Variants in ERICH6B observed in about 807,000 individuals in gnomAD.
ERICH6B encodes the protein glutamate-rich protein 6B.
In ERICH6B, 69 loss-of-function variants were observed where a neutral mutation model predicts 80.0. The ratio of observed to expected loss-of-function variants is 0.86; its 90% CI spans 0.71 to 1.05. The LOEUF (loss-of-function observed/expected upper bound fraction) is 1.05, where lower values mean the gene tolerates loss of function less well. Ranked by LOEUF, ERICH6B falls within the 50% of genes least tolerant of loss-of-function variation. ERICH6B has a pLI of 0.00. For synonymous variants in ERICH6B, 283 were observed against 291.9 expected (o/e 0.97, Z 0.31); for missense variants, 754 against 796.1 (o/e 0.95, Z 0.64).
intron 1 of ERICH6B, among the ~76,000 whole-genome samples, chr13:45,612,658 G>T (rs1020031911): frequency 2.0e-5 from 3 of 152,270 alleles, no homozygotes; most frequent in Non-Finnish European, 4.4e-5. Context: ...CCTCCTACCT[G>T]CCTAGCCAGC....
intron 13 of ERICH6B, among the ~76,000 whole-genome samples, chr13:45,548,173 C>A (rs1874063886): frequency 6.6e-6 from 1 of 152,216 alleles, no homozygotes; most frequent in Non-Finnish European, 1.5e-5. Context: ...AAAGGACAGC[C>A]ATGCCTTCCA....
At chr13:45,545,415 C>T (rs865926314) in intron 13 of ERICH6B, among the ~76,000 whole-genome samples, 4 of 152,110 alleles carry the variant, frequency 2.6e-5, no homozygotes, top group South Asian at 2.1e-4. Context: ...ATATAATTTA[C>T]GAATAGATAT....
chr13:45,549,934 G>T lies in ERICH6B; in HGVS notation c.1605C>A (p.Asn535Lys). ...LEGRIRALIN[N>K]SGNATFYDEN... ...CATCATAGAAGGTAGCATTGCCTGA[G>T]TTGTTGATAAGGGCCCGGATCCTCC... Residue 535 changes from asparagine (N) to lysine (K), a missense_variant, in exon 13 of 15, where the codon AAC becomes AAA. Physicochemically the swap from Asn to Lys is moderately conservative, Grantham distance 94 (BLOSUM62 0). Coordinates refer to ENST00000298738, the MANE Select transcript of ERICH6B (RefSeq NM_182542.3). 1 of 1,551,618 alleles carries T rather than the reference G, an allele frequency of 6.4e-7. No individual in the cohort carries two copies. The highest frequency in any genetic ancestry group is 8.7e-7 in the Non-Finnish European group (1 of 1,146,984).
intron 8 of ERICH6B, among the ~76,000 whole-genome samples, chr13:45,571,362 C>G (rs989670142): frequency 6.6e-6 from 1 of 152,074 alleles, no homozygotes; most frequent in Non-Finnish European, 1.5e-5. Context: ...GGCATCATTC[C>G]CTCCAACCAT....
intron 8 of ERICH6B, among the ~76,000 whole-genome samples, chr13:45,571,604 A>G (rs2404223): frequency 0.089 from 13,485 of 152,210 alleles, 1,005 homozygotes; most frequent in African/African-American, 0.2. Context: ...GTTGAATTGT[A>G]TTTCCCTGCT....
rs1949864634 is a variant in ERICH6B at position 45,606,531 on chromosome 13, ATATATATATATATATATTTTTTTTTTTT to A, written c.-59+1005_-59+1032del. Among the ~76,000 whole-genome samples the A allele has an allele frequency of 1.2e-4, 5 of 43,256 alleles. No homozygotes were observed. The South Asian group carries it at 3.8e-3, about 33-fold the overall frequency. 28.4% of individuals were successfully genotyped at this position (43,256 alleles called of 152,430 possible). A position where few individuals can be genotyped will look rare whatever the true frequency, so the allele number is the denominator to read the frequency against. ...TATATATATATATATATATATATAT[ATATATATATATATATATTTTTTTTTTTT>A]TTTTTTTTTTTGGAGACAGAGTCTC... On this transcript the variant is annotated intron_variant, in intron 2 of 14. Coordinates refer to ENST00000298738, the MANE Select transcript of ERICH6B (RefSeq NM_182542.3).
chr13:45,561,358 G>A lies in ERICH6B; in HGVS notation c.1407+11C>T, dbSNP rs1360477003. On this transcript the variant is annotated intron_variant, in intron 11 of 14. Transcript: ENST00000298738. ...GCAAAGTAAAAAACAGCAATGTACT[G>A]TCCCTCTTACCACTGTCTTCTTCTG... 6 of 1,551,300 alleles carry A rather than the reference G, an allele frequency of 3.9e-6. No homozygotes were observed. The highest frequency in any genetic ancestry group is 5.2e-6 in the Non-Finnish European group (6 of 1,146,548).
Position 45,574,860 on chromosome 13 carries a change from C to T in ERICH6B, c.1032G>A (p.Val344=), listed in dbSNP as rs985447983. The T allele has an allele frequency of 2.3e-5, 36 of 1,550,884 alleles. No homozygotes were observed. Among genetic ancestry groups the T allele is most frequent in the Non-Finnish European group, 2.6e-5 (30 of 1,146,572 alleles). Residue 344 remains valine, a synonymous_variant, in exon 8 of 15, where the codon GTG becomes GTA. Transcript: ENST00000298738. ...AACTTACGTTTTCATCTAAATCTTC[C>T]ACTTCCAGCTTGTCAATGGACTCAT... is the stretch of plus-strand genomic sequence containing the variant. ...ITDESIDKLE[V]EDLDENFLNS...
intron 2 of ERICH6B, among the ~76,000 whole-genome samples, chr13:45,603,708 TC>T (rs1949840117): frequency 6.6e-6 from 1 of 152,052 alleles, no homozygotes; most frequent in Non-Finnish European, 1.5e-5. Flanking sequence ...CTGCCCTGGG[TC>T]CTCCCCTGCC....
intron 7 of ERICH6B, among the ~76,000 whole-genome samples, chr13:45,576,876 T>C (rs1875429070): frequency 1.3e-5 from 2 of 152,168 alleles, no homozygotes; most frequent in South Asian, 2.1e-4. Context: ...ACTGTCAACA[T>C]GTCAAGTGTA....
At chr13:45,598,132 C>A (rs1876478625) in intron 2 of ERICH6B, among the ~76,000 whole-genome samples, 2 of 152,176 alleles carry the variant, frequency 1.3e-5, no homozygotes, top group African/African-American at 2.4e-5. Context: ...CTTCCCTGCC[C>A]CCACCCTGTT....
intron 1 of ERICH6B, among the ~76,000 whole-genome samples, chr13:45,611,460 A>C (rs1949899382): frequency 6.6e-6 from 1 of 152,234 alleles, no homozygotes; most frequent in Admixed American, 6.5e-5. Context: ...TTTCAACATC[A>C]AAGAGATGCT....
intron 8 of ERICH6B, 49 bp downstream of exon 8, chr13:45,574,793 A>G: frequency 7.1e-7 from 1 of 1,417,518 alleles, no homozygotes; most frequent in Non-Finnish European, 9.7e-7. Flanking sequence ...GGGCCACCCT[A>G]CATTTGGAGG....
At chr13:45,589,853 G>A (rs1029441129) in intron 4 of ERICH6B, among the ~76,000 whole-genome samples, 1 of 152,194 alleles carries the variant, frequency 6.6e-6, no homozygotes. Context: ...GCCTTGCAGT[G>A]CCCCTGGAGG....
intron 13 of ERICH6B, among the ~76,000 whole-genome samples, chr13:45,546,481 C>T (rs1313469034): frequency 6.6e-6 from 1 of 152,214 alleles, no homozygotes; most frequent in Admixed American, 6.5e-5. Flanking sequence ...TCACTGTAAA[C>T]TTTGCCTTTC....
At chr13:45,584,321 C>A (rs1305134421) in intron 5 of ERICH6B, among the ~76,000 whole-genome samples, 1 of 152,176 alleles carries the variant, frequency 6.6e-6, no homozygotes, top group Non-Finnish European at 1.5e-5. Context: ...CCTGTTGCAG[C>A]CTTTCCACGT....
chr13:45,596,081 G>T (rs989642238), intron 3 of ERICH6B, among the ~76,000 whole-genome samples: 6 of 152,186 alleles, frequency 3.9e-5, no homozygotes, highest in Non-Finnish European at 7.3e-5. Context: ...TGCTTTGTGG[G>T]TGCAGTGCTT....
intron 2 of ERICH6B, among the ~76,000 whole-genome samples, chr13:45,598,048 G>A (rs891517089): frequency 6.6e-6 from 1 of 152,274 alleles, no homozygotes; most frequent in Middle Eastern, 3.4e-3. Context: ...GTGGCTTTCT[G>A]TTGTGCTTAG....
chr13:45,549,197 T>C (rs963839108), intron 13 of ERICH6B, among the ~76,000 whole-genome samples: 16 of 151,962 alleles, frequency 1.1e-4, no homozygotes, highest in Admixed American at 4.6e-4. Context: ...GGCAGGAGAA[T>C]TGCTTGAACC....
Sources: gnomAD v4.1 joint callset for allele counts (sites outside exome capture counted in the v4.1 genomes callset) on GRCh38, gnomAD v4.1.1 for gene constraint, MANE v1.5 for transcripts, NCBI Gene and HGNC (gene_info 2026-07-23, HGNC 2026-07-21) for gene names.